The following FLRT2 variants were observed in gnomAD, a reference collection of about 807,000 sequenced individuals.
The protein encoded by FLRT2 is fibronectin leucine rich transmembrane protein 2.
A neutral mutation model predicts 40.0 loss-of-function variants in FLRT2; 15 were observed. The ratio of observed to expected loss-of-function variants is 0.38; its 90% CI spans 0.25 to 0.58. The LOEUF is 0.58. Ranked by LOEUF, FLRT2 falls within the 20% of genes least tolerant of loss-of-function variation. The pLI is 0.71. For synonymous variants in FLRT2, 380 were observed against 336.8 expected (o/e 1.13, Z -1.41); for missense variants, 726 against 840.0 (o/e 0.86, Z 1.68).
chr14:85,623,389 G>A lies in FLRT2; in HGVS notation c.1875G>A (p.Gln625=). The change falls in exon 2 of 2, where the codon CAG becomes CAA. Residue 625 remains glutamine (Q), a synonymous_variant. Coordinates refer to ENST00000330753, the MANE Select transcript of FLRT2 (RefSeq NM_013231.6). ...DQLLKGDFRL[Q]PIYTPNGGIN... is the part of the protein sequence containing the mutation. Reference sequence around the variant, plus strand: ...TCCTTAAAGGAGATTTCAGACTGCAGCCCATTTACACCCCAAATGGGGGCA... The same window carrying A: ...TCCTTAAAGGAGATTTCAGACTGCAACCCATTTACACCCCAAATGGGGGCA... The A allele has an allele frequency of 6.6e-7, 1 of 1,516,460 alleles. No homozygotes were observed. The highest frequency in any genetic ancestry group is 2.3e-5 in the East Asian group (1 of 43,332). The allele number at this position is 1,516,460 out of a possible 1,614,324, so 93.9% of individuals were successfully genotyped here. A position where few individuals can be genotyped will look rare whatever the true frequency, so the allele number is the denominator to read the frequency against.
chr14:85,536,074 T>C (rs1888644560), intron 1 of FLRT2, among the ~76,000 whole-genome samples: 1 of 152,032 alleles, frequency 6.6e-6, no homozygotes, highest in African/African-American at 2.4e-5. Flanking sequence ...CCCAAAGCAG[T>C]CCTGGCTTTT....
At chr14:85,580,550 T>G (rs1347666549) in intron 1 of FLRT2, among the ~76,000 whole-genome samples, 1 of 152,188 alleles carries the variant, frequency 6.6e-6, no homozygotes, top group South Asian at 2.1e-4. Context: ...CTTAATAGAG[T>G]TTCGTTAAAG....
intron 1 of FLRT2, among the ~76,000 whole-genome samples, chr14:85,584,491 A>G (rs1267365217): frequency 6.6e-6 from 1 of 152,144 alleles, no homozygotes; most frequent in Non-Finnish European, 1.5e-5. Flanking sequence ...ATACAGTCAG[A>G]TTTTGAGGCT....
In FLRT2 at chr14:85,633,452, A is replaced by G. The variant is rs944965483; in HGVS notation, c.*9955A>G. ...TAATTCAGAATATGTGGGTGTCAAA[A>G]GAGCCCCAGGAATGAGCATTCAGAA... On this transcript the variant is annotated 3_prime_UTR_variant, in exon 2 of 2. Transcript: ENST00000330753. 1 of 152,140 alleles carries G rather than the reference A, an allele frequency of 6.6e-6. No individual in the cohort carries two copies. Among genetic ancestry groups the G allele is most frequent in the Non-Finnish European group, 1.5e-5 (1 of 68,032 alleles). 9.4% of individuals were successfully genotyped at this position (152,140 alleles called of 1,614,324 possible).
intron 1 of FLRT2, among the ~76,000 whole-genome samples, chr14:85,606,109 T>C (rs1892599969): frequency 1.3e-5 from 2 of 152,186 alleles, no homozygotes. Context: ...CCCAACCAAA[T>C]ATTTCTTTAT....
In FLRT2 at chr14:85,654,351, C is replaced by T. The variant is rs942639062; in HGVS notation, c.*30854C>T. On this transcript the variant is annotated 3_prime_UTR_variant, in exon 2 of 2. Coordinates refer to ENST00000330753, the MANE Select transcript of FLRT2 (RefSeq NM_013231.6). ...TAAAAGTTACCCATATTCTTATCAG[C>T]CAGATCTAACTAATTTTACCATTTT... 1 of 151,996 alleles carries T rather than the reference C, an allele frequency of 6.6e-6. No individual in the cohort carries two copies. The highest frequency in any genetic ancestry group is 1.5e-5 in the Non-Finnish European group (1 of 67,982). The allele number at this position is 151,996 out of a possible 1,614,324, so 9.4% of individuals were successfully genotyped here.
chr14:85,555,304 G>A (rs568226565), intron 1 of FLRT2, among the ~76,000 whole-genome samples: 2 of 152,154 alleles, frequency 1.3e-5, no homozygotes, highest in South Asian at 2.1e-4. Context: ...GTATTAGTCT[G>A]TTTTCATGCT....
In FLRT2 at chr14:85,639,639, G is replaced by C. The variant is rs1343874486; in HGVS notation, c.*16142G>C. On this transcript the variant is annotated 3_prime_UTR_variant, in exon 2 of 2. Transcript: ENST00000330753. ...GCTAAAATTAGAGTGTGTGTTAGTAGAATTTATATTTATAGACTATTGATA... is the reference window on the plus strand; with the variant it reads ...GCTAAAATTAGAGTGTGTGTTAGTACAATTTATATTTATAGACTATTGATA... The C allele has an allele frequency of 6.6e-6, 1 of 151,920 alleles. No individual in the cohort carries two copies. The highest frequency in any genetic ancestry group is 2.4e-5 in the African/African-American group (1 of 41,372). 9.4% of individuals were successfully genotyped at this position (151,920 alleles called of 1,614,324 possible). A position where few individuals can be genotyped will look rare whatever the true frequency, so the allele number is the denominator to read the frequency against.
intron 1 of FLRT2, among the ~76,000 whole-genome samples, chr14:85,546,705 T>G (rs1889298604): frequency 6.6e-6 from 1 of 152,182 alleles, no homozygotes; most frequent in Non-Finnish European, 1.5e-5. Context: ...CTGCTAGAAA[T>G]GGCTTCCTTG....
In FLRT2 at chr14:85,635,850, G is replaced by A. The variant is rs1327420117; in HGVS notation, c.*12353G>A. 2 of 151,946 alleles carry A rather than the reference G, an allele frequency of 1.3e-5. No homozygotes were observed. The highest frequency in any genetic ancestry group is 1.9e-4 in the East Asian group (1 of 5,194). 9.4% of individuals were successfully genotyped at this position (151,946 alleles called of 1,614,324 possible). On this transcript the variant is annotated 3_prime_UTR_variant, in exon 2 of 2. Transcript: ENST00000330753. Reference sequence around the variant, plus strand: ...TTTCAAAATGTTTAGTCTTTAAAGCGGTTACCTAAGAATATCTGCCAGTGA... The same window carrying A: ...TTTCAAAATGTTTAGTCTTTAAAGCAGTTACCTAAGAATATCTGCCAGTGA...
Position 85,626,132 on chromosome 14 carries a change from C to T in FLRT2, c.*2635C>T, listed in dbSNP as rs574722876. 1 of 167,152 alleles carries T rather than the reference C, an allele frequency of 6.0e-6. No homozygotes were observed. Among genetic ancestry groups the T allele is most frequent in the South Asian group, 2.1e-4 (1 of 4,820 alleles). The allele number at this position is 167,152 out of a possible 1,614,324, so 10.4% of individuals were successfully genotyped here. On this transcript the variant is annotated 3_prime_UTR_variant, in exon 2 of 2. Coordinates refer to ENST00000330753, the MANE Select transcript of FLRT2 (RefSeq NM_013231.6). The stretch of plus-strand genomic sequence containing the variant: ...AGACTGCTAAGATTAAAATCCGTCT[C>T]CCATTTGTTACAGCCTCACCTGCAC...
intron 1 of FLRT2, among the ~76,000 whole-genome samples, chr14:85,531,916 G>A (rs951687271): frequency 1.6e-4 from 24 of 152,226 alleles, no homozygotes; most frequent in African/African-American, 5.3e-4. Context: ...GTCTCCGCGC[G>A]GGCGTGCGTC....
intron 1 of FLRT2, among the ~76,000 whole-genome samples, chr14:85,558,042 A>T (rs1890082450): frequency 6.6e-6 from 1 of 152,160 alleles, no homozygotes; most frequent in African/African-American, 2.4e-5. Flanking sequence ...CGTAGAAAGC[A>T]TCTGTAGACT....
intron 1 of FLRT2, among the ~76,000 whole-genome samples, chr14:85,538,911 C>CCT (rs1888824821): frequency 6.6e-6 from 1 of 152,052 alleles, no homozygotes; most frequent in African/African-American, 2.4e-5. Flanking sequence ...ATCTAAACAG[C>CCT]CTCTGTAATG....
chr14:85,586,945 C>A (rs943561105), intron 1 of FLRT2, among the ~76,000 whole-genome samples: 12 of 152,124 alleles, frequency 7.9e-5, no homozygotes, highest in African/African-American at 2.9e-4. Flanking sequence ...TTTCATTGAG[C>A]TTAGGTGGAG....
intron 1 of FLRT2, among the ~76,000 whole-genome samples, chr14:85,555,763 C>G (rs1244070666): frequency 7.2e-6 from 1 of 138,890 alleles, no homozygotes; most frequent in Non-Finnish European, 1.6e-5. Flanking sequence ...ACCCTGTGGC[C>G]CAGGCTGATC....
In FLRT2 at chr14:85,596,632, C is replaced by T. The variant is rs373092259; in HGVS notation, c.-376-24507C>T. Among the ~76,000 whole-genome samples, 12 of 152,258 alleles carry T rather than the reference C, an allele frequency of 7.9e-5. No individual in the cohort carries two copies. The South Asian group carries it at 1.2e-3, about 16-fold the overall frequency. On this transcript the variant is annotated intron_variant, in intron 1 of 1. Coordinates refer to ENST00000330753, the MANE Select transcript of FLRT2 (RefSeq NM_013231.6). ...GAGATTCTAAAGTAATTGAACCCAT[C>T]GTCTTGCTAAAGACTTTTTTAAAAA...
At chr14:85,556,643 T>C (rs1889979075) in intron 1 of FLRT2, among the ~76,000 whole-genome samples, 1 of 152,230 alleles carries the variant, frequency 6.6e-6, no homozygotes, top group Non-Finnish European at 1.5e-5. Context: ...TATTTCTCTG[T>C]ACTGTAGTTT....
Position 85,621,672 on chromosome 14 carries a change from G to A in FLRT2, c.158G>A (p.Ser53Asn). The A allele has an allele frequency of 6.2e-7, 1 of 1,614,102 alleles. No homozygotes were observed. Among genetic ancestry groups the A allele is most frequent in the Non-Finnish European group, 8.5e-7 (1 of 1,180,026 alleles). Residue 53 changes from serine (S) to asparagine (N), a missense_variant, in exon 2 of 2, where the codon AGC becomes AAC. Transcript: ENST00000330753. Reference protein sequence around the residue: ...DRNFVYCNERSLTSVPLGIPE... With the variant: ...DRNFVYCNERNLTSVPLGIPE... Reference sequence around the variant, plus strand: ...AACTTTGTCTACTGTAATGAGCGAAGCTTGACCTCAGTGCCTCTTGGGATC... The same window carrying A: ...AACTTTGTCTACTGTAATGAGCGAAACTTGACCTCAGTGCCTCTTGGGATC...
Sources: gnomAD v4.1 joint callset for allele counts (sites outside exome capture counted in the v4.1 genomes callset) on GRCh38, gnomAD v4.1.1 for gene constraint, MANE v1.5 for transcripts, NCBI Gene and HGNC (gene_info 2026-07-23, HGNC 2026-07-21) for gene names.